Variants in HSPA4 observed in about 807,000 individuals in gnomAD.
HSPA4 encodes heat shock protein family A (Hsp70) member 4, also known as heat shock 70 kDa protein 4.
In HSPA4, 25 loss-of-function variants were observed where a neutral mutation model predicts 106.2. The ratio of observed to expected loss-of-function variants is 0.24; its 90% CI spans 0.17 to 0.33. The LOEUF (loss-of-function observed/expected upper bound fraction) is 0.33, where lower values mean the gene tolerates loss of function less well. Ranked by LOEUF, HSPA4 falls within the 10% of genes least tolerant of loss-of-function variation. The pLI is 1.00. For synonymous variants in HSPA4, 332 were observed against 333.6 expected, an observed-to-expected ratio of 1.00 and a Z score of 0.05; for missense variants, 841 against 996.0, an observed-to-expected ratio of 0.84 and a Z score of 2.10.
At position 133,089,106 on chromosome 5, in the gene HSPA4, G is replaced by A; in HGVS notation, c.1189G>A (p.Val397Ile). ...AGTCAGAGAATTTTCTATCACTGATGTAGTACCATATCCAATATCTCTGAG... is the reference window on the plus strand; with the variant it reads ...AGTCAGAGAATTTTCTATCACTGATATAGTACCATATCCAATATCTCTGAG... ...FKVREFSITD[V>I]VPYPISLRWN... The change falls in exon 10 of 19, where the codon GTA (valine) becomes ATA (isoleucine). Residue 397 changes from valine to isoleucine, a missense_variant. By Grantham distance (29) the Val-to-Ile change is conservative. Around this residue, in one of 5 missense-constraint regions of HSPA4, gnomAD observed 162 missense variants for 177.7 expected, o/e 0.91. Transcript: ENST00000304858. 2 of 1,605,704 alleles carry A rather than the reference G, an allele frequency of 1.2e-6. No homozygotes were observed. Among genetic ancestry groups the A allele is most frequent in the Middle Eastern group, 1.7e-4 (1 of 6,026 alleles).
At chr5:133,058,423 A>G (rs1765194569) in intron 1 of HSPA4, among the ~76,000 whole-genome samples, 1 of 152,204 alleles carries the variant, frequency 6.6e-6, no homozygotes, top group African/African-American at 2.4e-5. Context: ...CACGCCTGTA[A>G]TCTCAGCACT....
chr5:133,097,978 T>C (rs1350397895), intron 15 of HSPA4, among the ~76,000 whole-genome samples: 1 of 151,908 alleles, frequency 6.6e-6, no homozygotes, highest in East Asian at 1.9e-4. Context: ...GGATGAATTA[T>C]ATAGTGGTGA....
At chr5:133,070,703 A>T (rs1001490258) in intron 4 of HSPA4, among the ~76,000 whole-genome samples, 1 of 152,092 alleles carries the variant, frequency 6.6e-6, no homozygotes, top group African/African-American at 2.4e-5. Flanking sequence ...GGAGTTCGAG[A>T]CCAGCCTGGC....
At chr5:133,079,999 C>G (rs1765493822) in intron 7 of HSPA4, among the ~76,000 whole-genome samples, 1 of 152,118 alleles carries the variant, frequency 6.6e-6, no homozygotes, top group Admixed American at 6.6e-5. Context: ...ATCTTAAATG[C>G]AGTAACAATC....
intron 4 of HSPA4, 85 bp from the exon 5 acceptor site, chr5:133,073,145 C>T: frequency 1.3e-6 from 1 of 743,688 alleles, no homozygotes; most frequent in South Asian, 1.7e-5. Context: ...GAATAAATTG[C>T]TGTAGGTATT....
intron 7 of HSPA4, among the ~76,000 whole-genome samples, chr5:133,086,015 T>G (rs1037915623): frequency 7.9e-5 from 12 of 152,184 alleles, no homozygotes; most frequent in Non-Finnish European, 1.5e-4. Flanking sequence ...TTCATTTCTC[T>G]GTAGACCTAA....
chr5:133,056,182 C>G (rs913153048), intron 1 of HSPA4, among the ~76,000 whole-genome samples: 1 of 151,992 alleles, frequency 6.6e-6, no homozygotes, highest in African/African-American at 2.4e-5. Context: ...AAGAGTTGTT[C>G]CAGGCAGAAG....
chr5:133,067,220 C>CT (rs1189119271), intron 2 of HSPA4, among the ~76,000 whole-genome samples, 197 bp from the exon 3 acceptor site: 1 of 152,202 alleles, frequency 6.6e-6, no homozygotes, highest in African/African-American at 2.4e-5. Flanking sequence ...CCCTGCCACT[C>CT]TGAGACCCAT....
At chr5:133,070,539 A>G (rs1280975726) in intron 4 of HSPA4, 43 bp downstream of exon 4, 6 of 1,603,766 alleles carry the variant, frequency 3.7e-6, no homozygotes, top group Non-Finnish European at 4.3e-6. Flanking sequence ...TGCATGAAGA[A>G]GCAGAGAGAA....
In HSPA4 at chr5:133,105,558, C is replaced by T. The variant is rs1428616967; in HGVS notation, c.*1122C>T. ...ATGTCAGGTATACCAAAGCATTCCT[C>T]TGACTGCTTTTTGGGGCAGTGTTGA... On this transcript the variant is annotated 3_prime_UTR_variant, in exon 19 of 19. Coordinates refer to ENST00000304858, the MANE Select transcript of HSPA4 (RefSeq NM_002154.4). 2.0e-5 allele frequency: 3 copies of T among 152,174 alleles called. No individual in the cohort carries two copies. Among genetic ancestry groups the T allele is most frequent in the African/African-American group, 7.2e-5 (3 of 41,434 alleles). The allele number at this position is 152,174 out of a possible 1,614,324, so 9.4% of individuals were successfully genotyped here. A position where few individuals can be genotyped will look rare whatever the true frequency, so the allele number is the denominator to read the frequency against.
rs76518053 is a variant in HSPA4 at position 133,083,421 on chromosome 5, A to G, written c.909-3361A>G. ...TTCAGACATGCAACAAAGTTGGAAG[A>G]ATTTTACAGTAAATGTCCTCATCCC... is the stretch of plus-strand genomic sequence containing the variant. On this transcript the variant is annotated intron_variant, in intron 7 of 18. Transcript: ENST00000304858. Among the ~76,000 whole-genome samples, 407 of 152,296 alleles carry G rather than the reference A, an allele frequency of 2.7e-3. 2 individuals carry two copies. The highest frequency in any genetic ancestry group is 9.0e-3 in the African/African-American group (376 of 41,570).
intron 17 of HSPA4, among the ~76,000 whole-genome samples, chr5:133,102,865 A>G (rs1358446828): frequency 2.0e-5 from 3 of 147,434 alleles, no homozygotes; most frequent in Non-Finnish European, 3.0e-5. Context: ...GCTACTTTCT[A>G]AGTAGCTGGG....
In HSPA4 at chr5:133,091,874, A is replaced by AAAC. The variant is rs368898451; in HGVS notation, c.1560+518_1560+520dup. 3.6e-4 allele frequency among the ~76,000 whole-genome samples: 55 copies of AAAC among 151,896 alleles called. No homozygotes were observed. The South Asian group carries it at 5.8e-3, about 16-fold the overall frequency. On this transcript the variant is annotated intron_variant, in intron 12 of 18. Transcript: ENST00000304858. ...GACCCTCATCTCTACAAAAAGTTAA[A>AAAC]AACAACAACAACAACAACAAAAAAA...
chr5:133,096,793 A>C (rs1174007793), intron 14 of HSPA4, among the ~76,000 whole-genome samples: 1 of 152,206 alleles, frequency 6.6e-6, no homozygotes, highest in African/African-American at 2.4e-5. Context: ...TGTCTTATGG[A>C]AACTTCAGCA....
At chr5:133,070,745 T>C (rs963303417) in intron 4 of HSPA4, among the ~76,000 whole-genome samples, 1 of 151,900 alleles carries the variant, frequency 6.6e-6, no homozygotes, top group African/African-American at 2.4e-5. Flanking sequence ...CTACTAAAAA[T>C]ACAAAAATTA....
intron 7 of HSPA4, among the ~76,000 whole-genome samples, chr5:133,083,534 T>C (rs1347298892): frequency 6.6e-6 from 1 of 152,124 alleles, no homozygotes; most frequent in African/African-American, 2.4e-5. Context: ...ATTTTTAATT[T>C]TTTTATTATT....
chr5:133,052,440 A>G (rs1278233653), intron 1 of HSPA4, 83 bp downstream of exon 1: 1 of 988,406 alleles, frequency 1.0e-6, no homozygotes, highest in Non-Finnish European at 1.4e-6. Context: ...TGCTTGGGGA[A>G]CGCGGGCCGA....
intron 5 of HSPA4, 83 bp downstream of exon 5, chr5:133,073,412 T>C: frequency 2.2e-6 from 2 of 920,242 alleles, no homozygotes; most frequent in South Asian, 3.0e-5. Context: ...TTCTTGCTCT[T>C]TATTTTGCTT....
chr5:133,088,621 G>C, intron 9 of HSPA4, 66 bp downstream of exon 9: 1 of 1,376,758 alleles, frequency 7.3e-7, no homozygotes, highest in Admixed American at 1.7e-5. Flanking sequence ...AGTGGTTTAT[G>C]TATCTAATAA....
Sources: allele counts gnomAD v4.1 joint callset (sites outside exome capture counted in the v4.1 genomes callset), GRCh38; gene constraint gnomAD v4.1.1; regional missense constraint gnomAD v4.1.1; transcripts MANE v1.5; gene names NCBI Gene and HGNC (gene_info 2026-07-23, HGNC 2026-07-21).